PEAK1: variants seen among roughly 807,000 people sequenced by gnomAD.
PEAK1 encodes inactive tyrosine-protein kinase PEAK1.
PEAK1 carries 54 observed loss-of-function variants against 124.7 expected under a neutral mutation model. The ratio of observed to expected loss-of-function variants is 0.43; its 90% CI spans 0.35 to 0.54. The LOEUF (loss-of-function observed/expected upper bound fraction) is 0.54. Among genes scored for constraint, PEAK1 ranks in the 20% least tolerant of loss-of-function variants. PEAK1 has a pLI of 0.01. For synonymous variants in PEAK1, 719 were observed against 760.0 expected (o/e 0.95, Z 0.89); for missense variants, 2,046 against 2,134.5 (o/e 0.96, Z 0.82).
At chr15:77,214,070 T>G (rs747012010) in intron 6 of PEAK1, among the ~76,000 whole-genome samples, 5 of 152,218 alleles carry the variant, frequency 3.3e-5, no homozygotes, top group Non-Finnish European at 7.3e-5. Context: ...CTTACCATGT[T>G]GTTTTTGAGA....
At chr15:77,337,747 G>C in intron 2 of PEAK1, 1 of 985,314 alleles carries the variant, frequency 1.0e-6, no homozygotes, top group Non-Finnish European at 1.2e-6. Flanking sequence ...GTCACTAGAA[G>C]AAGAGCTGGG....
intron 6 of PEAK1, among the ~76,000 whole-genome samples, chr15:77,214,047 T>G (rs2059028660): frequency 6.6e-6 from 1 of 152,204 alleles, no homozygotes; most frequent in South Asian, 2.1e-4. Flanking sequence ...GTAGTCATGT[T>G]TGACTTGCCT....
chr15:77,184,376 TA>T (rs1394634395), intron 6 of PEAK1, among the ~76,000 whole-genome samples: 1 of 152,178 alleles, frequency 6.6e-6, no homozygotes, highest in East Asian at 1.9e-4. Flanking sequence ...GGTGGGAATG[TA>T]AATGGTTCAG....
At chr15:77,255,891 GA>G (rs2061103852) in intron 5 of PEAK1, among the ~76,000 whole-genome samples, 1 of 152,114 alleles carries the variant, frequency 6.6e-6, no homozygotes, top group Admixed American at 6.6e-5. Flanking sequence ...GTAGAATAAA[GA>G]AAATATGCTT....
chr15:77,291,072 G>A (rs1375611573), intron 2 of PEAK1, among the ~76,000 whole-genome samples: 3 of 152,230 alleles, frequency 2.0e-5, no homozygotes, highest in South Asian at 4.1e-4. Flanking sequence ...ACTTTGAAGT[G>A]TAACAGTCAA....
At chr15:77,336,268 A>G (rs923283424) in intron 2 of PEAK1, 2 of 985,414 alleles carry the variant, frequency 2.0e-6, no homozygotes, top group Non-Finnish European at 2.4e-6. Context: ...AATCATTTAC[A>G]TCTTGCAGAA....
intron 1 of PEAK1, among the ~76,000 whole-genome samples, chr15:77,407,933 AC>A (rs1240616218): frequency 1.4e-5 from 1 of 71,338 alleles, no homozygotes; most frequent in Non-Finnish European, 4.7e-5. Context: ...ACATATATAC[AC>A]ACATATATAC....
At chr15:77,212,179 G>A (rs1340883642) in intron 6 of PEAK1, among the ~76,000 whole-genome samples, 3 of 152,070 alleles carry the variant, frequency 2.0e-5, no homozygotes, top group East Asian at 3.9e-4. Context: ...ACAGACTCAG[G>A]GAAAGTGAAC....
At position 77,179,537 on chromosome 15, in the gene PEAK1, T is replaced by C. The variant is rs2057109983; in HGVS notation, c.2390A>G (p.Tyr797Cys). 1.2e-6 allele frequency: 2 copies of C among 1,614,034 alleles called. No homozygotes were observed. The highest frequency in any genetic ancestry group is 1.3e-5 in the African/African-American group (1 of 74,910). Residue 797 changes from tyrosine to cysteine, a missense_variant, in exon 7 of 10, where the codon TAT becomes TGT. Transcript: ENST00000682557. ...AACATCAGCATCTGGAGGAATGGCATAAAGCTCTTCCACACTGCAAGCTTT... is the reference window on the plus strand; with the variant it reads ...AACATCAGCATCTGGAGGAATGGCACAAAGCTCTTCCACACTGCAAGCTTT... ...GPKACSVEEL[Y>C]AIPPDADVAK...
chr15:77,226,231 A>G (rs542609491), intron 6 of PEAK1, among the ~76,000 whole-genome samples: 977 of 84,546 alleles, frequency 0.012, 9 homozygotes, highest in African/African-American at 0.033. Context: ...ATATTTCAAG[A>G]AAAAAAAAAA....
intron 2 of PEAK1, among the ~76,000 whole-genome samples, chr15:77,344,928 C>T (rs1014577670): frequency 6.6e-6 from 1 of 152,138 alleles, no homozygotes. Flanking sequence ...TGTTTTAATT[C>T]GAACCTGTTT....
rs531583837 is a variant in PEAK1 at position 77,249,877 on chromosome 15, G to A, written c.-115+2490C>T. On this transcript the variant is annotated intron_variant, in intron 6 of 9. Coordinates refer to ENST00000682557, the MANE Select transcript of PEAK1 (RefSeq NM_001385026.1). ...CTTAAATCAATAACAGAGAGACAGG[G>A]AAATCTGATCACTTTCTATGTATTA... Among the ~76,000 whole-genome samples, 389 of 151,944 alleles carry A rather than the reference G, an allele frequency of 2.6e-3. 19 individuals are homozygous for A. The South Asian group carries it at 0.078, about 30-fold the overall frequency.
At chr15:77,167,132 G>A (rs185636484) in intron 7 of PEAK1, among the ~76,000 whole-genome samples, 14 of 152,274 alleles carry the variant, frequency 9.2e-5, no homozygotes, top group Admixed American at 9.2e-4. Context: ...AAGCAGCAAG[G>A]TGTGAAAAGT....
At chr15:77,145,780 C>T (rs1252497175) in intron 8 of PEAK1, among the ~76,000 whole-genome samples, 1 of 152,168 alleles carries the variant, frequency 6.6e-6, no homozygotes, top group Non-Finnish European at 1.5e-5. Context: ...TTTCATTAAA[C>T]CTTTAAATAT....
rs867302368 is a variant in PEAK1, at chr15:77,186,223, A to C, written c.-114-4183T>G. ...TGCAGCACTGAATACAAAAAAGAAT[A>C]AGGCATCTTGGCATAATATCTTGTT... On this transcript the variant is annotated intron_variant, in intron 6 of 9. Coordinates refer to ENST00000682557, the MANE Select transcript of PEAK1 (RefSeq NM_001385026.1). Among the ~76,000 whole-genome samples the C allele has an allele frequency of 1.1e-4, 16 of 152,348 alleles. No individual in the cohort carries two copies. In the Middle Eastern group the frequency reaches 0.02, roughly 194 times the overall value.
intron 2 of PEAK1, chr15:77,335,485 C>G: frequency 1.3e-5 from 13 of 985,272 alleles, no homozygotes; most frequent in Non-Finnish European, 1.6e-5. Flanking sequence ...TTGATGCTTA[C>G]TACTTTGTTT....
intron 2 of PEAK1, among the ~76,000 whole-genome samples, chr15:77,319,218 C>A (rs191299391): frequency 1.3e-5 from 2 of 148,932 alleles, no homozygotes. Flanking sequence ...TTCTGGCAAA[C>A]GGAAGGTAAG....
intron 5 of PEAK1, among the ~76,000 whole-genome samples, chr15:77,254,062 C>T (rs1185782468): frequency 1.3e-5 from 2 of 152,144 alleles, no homozygotes; most frequent in Admixed American, 6.5e-5. Context: ...TCAGGTGATC[C>T]ACCTGCCTTG....
At chr15:77,333,257 T>A (rs1242130597) in intron 2 of PEAK1, 2 of 927,530 alleles carry the variant, frequency 2.2e-6, no homozygotes, top group Non-Finnish European at 2.6e-6. Context: ...AGTGCTGGGA[T>A]TACAGGCACG....
Sources: allele counts gnomAD v4.1 joint callset (sites outside exome capture counted in the v4.1 genomes callset), GRCh38; gene constraint gnomAD v4.1.1; transcripts MANE v1.5; gene names NCBI Gene and HGNC (gene_info 2026-07-23, HGNC 2026-07-21).